Variants in TRPS1 observed in about 807,000 individuals in gnomAD.
TRPS1 encodes zinc finger transcription factor Trps1.
Under a neutral mutation model 101.2 loss-of-function variants are expected in TRPS1, and 6 were observed. The ratio of observed to expected loss-of-function variants is 0.06; its 90% confidence interval spans 0.03 to 0.12. The LOEUF is 0.12. Ranked by LOEUF, TRPS1 falls within the 10% of genes least tolerant of loss-of-function variation. TRPS1 has a pLI of 1.00. For missense variants in TRPS1, 1,363 were observed against 1,567.0 expected (o/e 0.87, Z 2.20); for synonymous variants, 578 against 589.8 (o/e 0.98, Z 0.29).
chr8:115,606,090 C>T (rs1347305362), intron 3 of TRPS1, among the ~76,000 whole-genome samples: 3 of 152,156 alleles, frequency 2.0e-5, no homozygotes, highest in Non-Finnish European at 2.9e-5. Context: ...TCATCTTCTG[C>T]CTTCTTCAAC....
intron 5 of TRPS1, among the ~76,000 whole-genome samples, chr8:115,581,110 G>C (rs1220650897): frequency 6.6e-6 from 1 of 151,676 alleles, no homozygotes; most frequent in Non-Finnish European, 1.5e-5. Context: ...AACGTGAATA[G>C]AACAGGCGAA....
intron 1 of TRPS1, among the ~76,000 whole-genome samples, chr8:115,636,896 A>G (rs1221943419): frequency 2.0e-5 from 3 of 151,398 alleles, no homozygotes; most frequent in Non-Finnish European, 2.9e-5. Context: ...TGGGCAACAG[A>G]GTGAGACTCT....
At position 115,414,991 on chromosome 8, in the gene TRPS1, C is replaced by T. The variant is rs777868730; in HGVS notation, c.2917G>A (p.Ala973Thr). Reference sequence around the variant, plus strand: ...CTCTGCTGTTTGTTGAGCTGCTCAGCCTGAAGTGCCTCTGGGTTAAGGCGC... The same window carrying T: ...CTCTGCTGTTTGTTGAGCTGCTCAGTCTGAAGTGCCTCTGGGTTAAGGCGC... ...RKRLNPEALQ[A>T]EQLNKQQRGS... The change falls in exon 7 of 7, where the codon GCT becomes ACT. Residue 973 changes from alanine (A) to threonine (T), a missense_variant. Transcript: ENST00000395715. The surrounding 1 kb of genome is among the most constrained non-coding windows in gnomAD (Gnocchi z 4.8). 1 of 1,577,172 alleles carries T rather than the reference C, an allele frequency of 6.3e-7. No individual in the cohort carries two copies. Among genetic ancestry groups the T allele is most frequent in the Admixed American group, 1.9e-5 (1 of 52,566 alleles).
chr8:115,501,399 C>T (rs932440744), intron 5 of TRPS1, among the ~76,000 whole-genome samples: 2 of 152,112 alleles, frequency 1.3e-5, no homozygotes, highest in African/African-American at 4.8e-5. Flanking sequence ...AGTATAATGG[C>T]AACAATCTAG....
chr8:115,613,654 A>AT (rs1344688448), intron 3 of TRPS1, among the ~76,000 whole-genome samples: 1 of 152,088 alleles, frequency 6.6e-6, no homozygotes, highest in Non-Finnish European at 1.5e-5. Context: ...CTGTTTCCTT[A>AT]TTTTTTTAAA....
At chr8:115,559,309 C>T (rs1279026609) in intron 5 of TRPS1, among the ~76,000 whole-genome samples, 1 of 152,082 alleles carries the variant, frequency 6.6e-6, no homozygotes, top group Non-Finnish European at 1.5e-5. Context: ...TATTCACTGG[C>T]TTTCTAAAAC....
chr8:115,413,706 A>T lies in TRPS1; in HGVS notation c.*317T>A. 3.6e-6 allele frequency: 1 copy of T among 275,700 alleles called. No individual in the cohort carries two copies. The highest frequency in any genetic ancestry group is 5.2e-5 in the South Asian group (1 of 19,050). 17.1% of individuals were successfully genotyped at this position (275,700 alleles called of 1,614,324 possible). A position where few individuals can be genotyped will look rare whatever the true frequency, so the allele number is the denominator to read the frequency against. On this transcript the variant is annotated 3_prime_UTR_variant, in exon 7 of 7. Transcript: ENST00000395715. The stretch of plus-strand genomic sequence containing the variant: ...GACAGTTTTGGTCTCTTTCTTTATA[A>T]ATATATTAATTCTAGTCTGGTGATA...
intron 4 of TRPS1, among the ~76,000 whole-genome samples, chr8:115,601,729 G>A (rs1340748947): frequency 6.6e-6 from 1 of 152,086 alleles, no homozygotes; most frequent in Non-Finnish European, 1.5e-5. Flanking sequence ...TCCTCAGAAG[G>A]GTTCCAAGAC....
chr8:115,604,056 T>A lies in TRPS1; in HGVS notation c.1913A>T (p.Asp638Val). The change falls in exon 4 of 7, where the codon GAC becomes GTC. Residue 638 changes from aspartate (D) to valine (V), a missense_variant. By Grantham distance (152) the Asp-to-Val change is radical. Coordinates refer to ENST00000395715, the MANE Select transcript of TRPS1 (RefSeq NM_014112.5). The surrounding 1 kb of genome is among the most constrained non-coding windows in gnomAD (Gnocchi z 4.1). ...ATAGTGAAAGAGGAGTACATCTACG[T>A]CAGGGGTGGTGAATGAACACTGATG... ...QCHQCSFTTP[D>V]VDVLLFHYES... The A allele has an allele frequency of 6.2e-7, 1 of 1,614,020 alleles. No individual in the cohort carries two copies. The highest frequency in any genetic ancestry group is 8.5e-7 in the Non-Finnish European group (1 of 1,179,984).
At chr8:115,477,288 T>C (rs963064771) in intron 5 of TRPS1, among the ~76,000 whole-genome samples, 1 of 152,142 alleles carries the variant, frequency 6.6e-6, no homozygotes, top group East Asian at 1.9e-4. Flanking sequence ...GCATAAGAAA[T>C]GTATTTTTTC....
At chr8:115,568,164 G>T (rs1001204968) in intron 5 of TRPS1, among the ~76,000 whole-genome samples, 1 of 151,878 alleles carries the variant, frequency 6.6e-6, no homozygotes, top group African/African-American at 2.4e-5. Context: ...ATGTATTATT[G>T]TACTCCCCCA....
chr8:115,600,408 A>G (rs2130480943), intron 4 of TRPS1, among the ~76,000 whole-genome samples: 1 of 152,264 alleles, frequency 6.6e-6, no homozygotes, highest in East Asian at 1.9e-4. Context: ...GTACTTTTCT[A>G]CAGACAAATT....
chr8:115,618,557 C>T (rs1324794563), intron 3 of TRPS1, among the ~76,000 whole-genome samples: 1 of 152,114 alleles, frequency 6.6e-6, no homozygotes, highest in Non-Finnish European at 1.5e-5. Flanking sequence ...TTCTGCTGTC[C>T]CTAATACTTA....
chr8:115,419,880 T>C (rs1347445938), intron 5 of TRPS1, among the ~76,000 whole-genome samples: 1 of 152,208 alleles, frequency 6.6e-6, no homozygotes. Flanking sequence ...CTGCTCACTC[T>C]AACATTCGAC....
At chr8:115,521,139 ACT>A (rs1815850636) in intron 5 of TRPS1, among the ~76,000 whole-genome samples, 1 of 103,350 alleles carries the variant, frequency 9.7e-6, no homozygotes, top group Non-Finnish European at 2.0e-5. Context: ...TCTTATCCCA[ACT>A]CTATGTTTGT....
At chr8:115,443,840 TG>T (rs1813666359) in intron 5 of TRPS1, among the ~76,000 whole-genome samples, 1 of 152,246 alleles carries the variant, frequency 6.6e-6, no homozygotes, top group Non-Finnish European at 1.5e-5. Flanking sequence ...CTCCTGTGAC[TG>T]GCTGACACCA....
rs906884574 is a variant in TRPS1 at position 115,413,252 on chromosome 8, G to A, written c.*771C>T. 2.0e-5 allele frequency: 3 copies of A among 152,218 alleles called. No homozygotes were observed. Among genetic ancestry groups the A allele is most frequent in the South Asian group, 2.1e-4 (1 of 4,834 alleles). 9.4% of individuals were successfully genotyped at this position (152,218 alleles called of 1,614,324 possible). On this transcript the variant is annotated 3_prime_UTR_variant, in exon 7 of 7. Transcript: ENST00000395715. The stretch of plus-strand genomic sequence containing the variant: ...AAAATGAAATCACTACAGAAGCATC[G>A]AGGACATTGTTTTTTAAAATGGGTA...
At chr8:115,657,538 G>T (rs1341067685) in intron 1 of TRPS1, among the ~76,000 whole-genome samples, 1 of 152,058 alleles carries the variant, frequency 6.6e-6, no homozygotes, top group East Asian at 1.9e-4. Context: ...ACTTGGCATT[G>T]TACCTCTTGG....
At chr8:115,552,750 G>A (rs1440505528) in intron 5 of TRPS1, among the ~76,000 whole-genome samples, 1 of 151,902 alleles carries the variant, frequency 6.6e-6, no homozygotes, top group Non-Finnish European at 1.5e-5. Flanking sequence ...TAACCATTTG[G>A]TTGTTATAAT....
Sources: gnomAD v4.1 joint callset for allele counts (sites outside exome capture counted in the v4.1 genomes callset) on GRCh38, gnomAD v4.1.1 for gene constraint, Gnocchi (gnomAD v3.1) non-coding constraint, MANE v1.5 for transcripts, NCBI Gene and HGNC (gene_info 2026-07-23, HGNC 2026-07-21) for gene names.